Variants in AGBL4 observed in about 807,000 individuals in gnomAD.
AGBL4 encodes AGBL carboxypeptidase 4.
Under a neutral mutation model 66.4 loss-of-function variants are expected in AGBL4, and 58 were observed. That is an observed-to-expected ratio of 0.87 (90% CI 0.71 to 1.09). AGBL4 has a LOEUF of 1.09. Among genes scored for constraint, AGBL4 ranks in the 50% least tolerant of loss-of-function variants. The pLI is 0.00. For missense variants in AGBL4, 579 were observed against 631.0 expected, an observed-to-expected ratio of 0.92 and a Z score of 0.88; for synonymous variants, 234 against 222.9, an observed-to-expected ratio of 1.05 and a Z score of -0.44.
chr1:49,886,909 G>T (rs1269152811), intron 1 of AGBL4, among the ~76,000 whole-genome samples: 1 of 152,000 alleles, frequency 6.6e-6, no homozygotes, highest in Non-Finnish European at 1.5e-5. Context: ...ATTTCTGCCA[G>T]ATTCAATTTT....
intron 4 of AGBL4, among the ~76,000 whole-genome samples, chr1:49,160,556 C>T (rs1569879048): frequency 6.6e-6 from 1 of 152,144 alleles, no homozygotes; most frequent in Admixed American, 6.5e-5. Flanking sequence ...GGCAGTCTGA[C>T]CCTTAGCAGA....
At chr1:49,753,544 T>C (rs1485578823) in intron 2 of AGBL4, among the ~76,000 whole-genome samples, 2 of 152,148 alleles carry the variant, frequency 1.3e-5, no homozygotes, top group African/African-American at 4.8e-5. Context: ...CAATTATGTG[T>C]CTTGGGGTTG....
At chr1:49,897,936 C>T (rs565492617) in intron 1 of AGBL4, among the ~76,000 whole-genome samples, 16 of 151,666 alleles carry the variant, frequency 1.1e-4, no homozygotes, top group Non-Finnish European at 2.1e-4. Flanking sequence ...CTATACACCT[C>T]TTTTTTTCCA....
intron 1 of AGBL4, among the ~76,000 whole-genome samples, chr1:50,018,393 T>G (rs1225937971): frequency 6.6e-6 from 1 of 152,146 alleles, no homozygotes; most frequent in African/African-American, 2.4e-5. Context: ...ACACTATCAA[T>G]GAAGTACTGC....
At chr1:49,402,577 T>TC (rs945879314) in intron 3 of AGBL4, among the ~76,000 whole-genome samples, 1 of 151,516 alleles carries the variant, frequency 6.6e-6, no homozygotes, top group Non-Finnish European at 1.5e-5. Context: ...GCCTTTTTTT[T>TC]TTTTTTTGAG....
Position 49,171,349 on chromosome 1 carries a change from T to C in AGBL4, c.377+74421A>G, listed in dbSNP as rs1646734907. ...ATATTCTGTTTCCATGTGTGTGGGT[T>C]ACACACCACCTATATTCATCAGTGT... On this transcript the variant is annotated intron_variant, in intron 4 of 13. Coordinates refer to ENST00000371839, the MANE Select transcript of AGBL4 (RefSeq NM_032785.4). Among the ~76,000 whole-genome samples, 4 of 152,296 alleles carry C rather than the reference T, an allele frequency of 2.6e-5. No individual in the cohort carries two copies. In the South Asian group the frequency reaches 8.3e-4, roughly 32 times the overall value.
At position 49,496,922 on chromosome 1, in the gene AGBL4, T is replaced by C. The variant is rs1378802411; in HGVS notation, c.282+200391A>G. On this transcript the variant is annotated intron_variant, in intron 3 of 13. Coordinates refer to ENST00000371839, the MANE Select transcript of AGBL4 (RefSeq NM_032785.4). ...TTGCTGGATCATATAGTAATTCTAG[T>C]TTTAATTTTTTGAGAAACATTCTTA... Among the ~76,000 whole-genome samples, 3 of 151,986 alleles carry C rather than the reference T, an allele frequency of 2.0e-5. No individual in the cohort carries two copies. In the East Asian group the frequency reaches 5.8e-4, roughly 29 times the overall value.
chr1:49,604,285 G>A (rs559577024), intron 3 of AGBL4, among the ~76,000 whole-genome samples: 1 of 152,162 alleles, frequency 6.6e-6, no homozygotes, highest in African/African-American at 2.4e-5. Context: ...AGGGTAACGT[G>A]GTACCTCGTT....
At chr1:48,649,469 A>G (rs1483343998) in intron 8 of AGBL4, among the ~76,000 whole-genome samples, 8 of 152,258 alleles carry the variant, frequency 5.3e-5, no homozygotes, top group African/African-American at 1.9e-4. Flanking sequence ...AGCGTATACT[A>G]TAGTTACTAT....
Position 48,676,134 on chromosome 1 carries a change from G to A in AGBL4, c.635-12893C>T, listed in dbSNP as rs573905662. Among the ~76,000 whole-genome samples the A allele has an allele frequency of 4.4e-4, 67 of 152,316 alleles. 1 individual carries two copies. In the South Asian group the frequency reaches 0.013, roughly 29 times the overall value. On this transcript the variant is annotated intron_variant, in intron 6 of 13. Coordinates refer to ENST00000371839, the MANE Select transcript of AGBL4 (RefSeq NM_032785.4). ...CTGTATGGCCTAGGTAAGTGGCTCC[G>A]CCATGGTTTCATCAGAAACTAGGTA...
chr1:48,864,211 A>G (rs1647771749), intron 6 of AGBL4, among the ~76,000 whole-genome samples: 1 of 152,164 alleles, frequency 6.6e-6, no homozygotes, highest in African/African-American at 2.4e-5. Flanking sequence ...GTAATTAGGG[A>G]AACATATATT....
At chr1:49,906,738 A>C (rs1365448011) in intron 1 of AGBL4, among the ~76,000 whole-genome samples, 2 of 152,040 alleles carry the variant, frequency 1.3e-5, no homozygotes, top group Non-Finnish European at 2.9e-5. Flanking sequence ...TATGTAAGTA[A>C]ACGTGTAAAG....
At chr1:49,959,963 C>T (rs765815320) in intron 1 of AGBL4, among the ~76,000 whole-genome samples, 16 of 151,574 alleles carry the variant, frequency 1.1e-4, no homozygotes, top group East Asian at 1.9e-4. Context: ...GGGAGCTAAA[C>T]GAAGAATACA....
chr1:48,810,724 G>A (rs1479175930), intron 6 of AGBL4, among the ~76,000 whole-genome samples: 1 of 152,176 alleles, frequency 6.6e-6, no homozygotes, highest in Non-Finnish European at 1.5e-5. Flanking sequence ...TGAGATTTGG[G>A]AGTTTTTCTG....
chr1:49,267,782 G>A (rs1449138458), intron 3 of AGBL4, among the ~76,000 whole-genome samples: 1 of 152,124 alleles, frequency 6.6e-6, no homozygotes. Context: ...CATGGTAGAA[G>A]GCAAAAGGCA....
intron 1 of AGBL4, chr1:49,995,219 G>A (rs1182080888): frequency 8.8e-6 from 4 of 456,210 alleles, no homozygotes; most frequent in Non-Finnish European, 1.8e-5. Flanking sequence ...CCTGAAAGCT[G>A]CTTGCTTTCT....
At chr1:48,633,376 A>G (rs1322462873) in intron 9 of AGBL4, among the ~76,000 whole-genome samples, 1 of 152,192 alleles carries the variant, frequency 6.6e-6, no homozygotes, top group East Asian at 1.9e-4. Flanking sequence ...ACATTGGTGC[A>G]TCTCTGAAGT....
At chr1:49,297,492 A>G (rs867533763) in intron 3 of AGBL4, among the ~76,000 whole-genome samples, 3 of 152,352 alleles carry the variant, frequency 2.0e-5, no homozygotes, top group Middle Eastern at 3.4e-3. Flanking sequence ...TAAGCTGTGG[A>G]ACAGAGAATA....
intron 3 of AGBL4, among the ~76,000 whole-genome samples, chr1:49,349,299 G>C (rs573855472): frequency 1.3e-5 from 2 of 152,270 alleles, no homozygotes; most frequent in Non-Finnish European, 2.9e-5. Flanking sequence ...ATTTGCATCT[G>C]TTTTCCACCA....
Sources: allele counts gnomAD v4.1 joint callset (sites outside exome capture counted in the v4.1 genomes callset), GRCh38; gene constraint gnomAD v4.1.1; transcripts MANE v1.5; gene names NCBI Gene and HGNC (gene_info 2026-07-23, HGNC 2026-07-21).